Variants in RPL7 observed in about 807,000 individuals in gnomAD.
RPL7 encodes large ribosomal subunit protein uL30.
For synonymous variants in RPL7, 100 were observed against 102.2 expected, an observed-to-expected ratio of 0.98 and a Z score of 0.13; for missense variants, 205 against 301.9, an observed-to-expected ratio of 0.68 and a Z score of 2.38.
At chr8:73,293,671 C>A (rs16938607), upstream of RPL7, 4 of 1,604,234 alleles carry the variant, frequency 2.5e-6, no homozygotes, top group African/African-American at 4.0e-5. Flanking sequence ...AAAGACTTCG[C>A]GAGAGAAGCC....
At chr8:73,293,728 C>A, upstream of RPL7, 6 of 1,340,278 alleles carry the variant, frequency 4.5e-6, no homozygotes, top group Admixed American at 4.4e-5. Context: ...GAATCCAGAA[C>A]TAAAAAGCCG....
rs1814076644 is a variant in RPL7, at chr8:73,290,698, G to A, written c.*9C>T. The A allele has an allele frequency of 4.8e-6, 1 of 208,712 alleles. No homozygotes were observed. The highest frequency in any genetic ancestry group is 9.6e-6 in the Non-Finnish European group (1 of 103,940). 12.9% of individuals were successfully genotyped at this position (208,712 alleles called of 1,614,324 possible). A position where few individuals can be genotyped will look rare whatever the true frequency, so the allele number is the denominator to read the frequency against. ...CAACCAGCTTAGAAAAATAATCATG[G>A]TAGACACCTGAAAGGAAAAAAGAAA... is the stretch of plus-strand genomic sequence containing the variant. On this transcript the variant is annotated 3_prime_UTR_variant, in exon 7 of 7. Transcript: ENST00000352983.
In RPL7 at chr8:73,293,530, A is replaced by G. The variant is rs948824525; in HGVS notation, c.14+69T>C. ...GTGCAAGCTACGGCCAGAGAGAGAA[A>G]AAGTGACACAAAAAGTATCTGGCTC... On this transcript the variant is annotated intron_variant, in intron 1 of 6. Coordinates refer to ENST00000352983, the MANE Select transcript of RPL7 (RefSeq NM_000971.4). 12 of 1,594,116 alleles carry G rather than the reference A, an allele frequency of 7.5e-6. No individual in the cohort carries two copies. The African/African-American group carries it at 8.1e-5, about 11-fold the overall frequency.
Position 73,292,383 on chromosome 8 carries a change from A to G in RPL7, c.146T>C (p.Leu49Pro). ...QKMLRKARRK[L>P]IYEKAKHYHK... is the part of the protein sequence containing the mutation. ...ATAGTGCTTTGCTTTTTCATAGATAAGCTTCCTCCTTGCCTTTCGAAGCTG... is the reference window on the plus strand; with the variant it reads ...ATAGTGCTTTGCTTTTTCATAGATAGGCTTCCTCCTTGCCTTTCGAAGCTG... The change falls in exon 3 of 7, where the codon CTT becomes CCT. Residue 49 changes from leucine to proline, a missense_variant. By Grantham distance (98) the Leu-to-Pro change is moderately conservative (BLOSUM62 -3). Transcript: ENST00000352983. 1 of 1,597,346 alleles carries G rather than the reference A, an allele frequency of 6.3e-7. No individual in the cohort carries two copies. The highest frequency in any genetic ancestry group is 1.3e-5 in the African/African-American group (1 of 74,870).
Position 73,292,722 on chromosome 8 carries a change from G to T in RPL7, c.90C>A (p.Ile30=). 2 of 1,613,704 alleles carry T rather than the reference G, an allele frequency of 1.2e-6. No individual in the cohort carries two copies. Among genetic ancestry groups the T allele is most frequent in the Non-Finnish European group, 8.5e-7 (1 of 1,179,898 alleles). The part of the protein sequence containing the change: ...KKRRNFAELK[I]KRLRKKFAQK... The stretch of plus-strand genomic sequence containing the variant: ...GGGCAAACTTCTTTCTCAGGCGCTT[G>T]ATCTTCAGCTCTGCGAAATTCCTTC... The change falls in exon 2 of 7, where the codon ATC becomes ATA. Residue 30 remains isoleucine, a synonymous_variant. Transcript: ENST00000352983.
Position 73,291,179 on chromosome 8 carries a change from T to C in RPL7, c.612A>G (p.Ala204=). 1.9e-6 allele frequency: 3 copies of C among 1,608,684 alleles called. No individual in the cohort carries two copies. Among genetic ancestry groups the C allele is most frequent in the Non-Finnish European group, 2.6e-6 (3 of 1,175,234 alleles). ...ATTTGAAGGGCCACAGGAAGTTATT[T>C]GCCTCTTTGAAGCGTTTTCCAACAG... ...IYTVGKRFKE[A]NNFLWPFKLS... The change falls in exon 6 of 7, where the codon GCA becomes GCG. Residue 204 remains alanine (A), a synonymous_variant. Coordinates refer to ENST00000352983, the MANE Select transcript of RPL7 (RefSeq NM_000971.4).
upstream of RPL7, chr8:73,294,154 G>A (rs763455235): frequency 1.2e-5 from 2 of 161,458 alleles, no homozygotes; most frequent in Non-Finnish European, 2.7e-5. Flanking sequence ...GGTAGTCGCA[G>A]ACTACACCCC....
At chr8:73,293,224 A>G in intron 1 of RPL7, 2 of 237,472 alleles carry the variant, frequency 8.4e-6, no homozygotes, top group Non-Finnish European at 1.6e-5. Flanking sequence ...TGGTTCAATC[A>G]GGATCCACAT....
chr8:73,293,743 G>A, upstream of RPL7: 2 of 1,145,124 alleles, frequency 1.7e-6, no homozygotes, highest in Non-Finnish European at 2.5e-6. Context: ...AAGCCGCCTT[G>A]CAGACGCAAA....
upstream of RPL7, chr8:73,293,854 G>C (rs561758255): frequency 8.1e-6 from 4 of 493,042 alleles, no homozygotes; most frequent in East Asian, 1.1e-4. Flanking sequence ...CAAGAGCAAA[G>C]AGTGCTGACA....
upstream of RPL7, chr8:73,293,644 A>C (rs1277607157): frequency 1.9e-6 from 3 of 1,613,078 alleles, no homozygotes; most frequent in East Asian, 2.2e-5. Context: ...AAGTTGGCGC[A>C]TGCGTACTGT....
rs184010421 is a variant in RPL7 at position 73,290,917 on chromosome 8, C to T, written c.*1+126G>A. 144 of 715,966 alleles carry T rather than the reference C, an allele frequency of 2.0e-4. 1 individual carries two copies. The East Asian group carries it at 3.6e-3, about 18-fold the overall frequency. 44.4% of individuals were successfully genotyped at this position (715,966 alleles called of 1,614,324 possible). On this transcript the variant is annotated intron_variant, in intron 6 of 6. Coordinates refer to ENST00000352983, the MANE Select transcript of RPL7 (RefSeq NM_000971.4). ...CTGTAATCATTAAGATAGTTGACCC[C>T]CACTCCCCACAAAAGCACTGATTAA...
rs1454695805 is a variant in RPL7, at chr8:73,291,607, T to C, written c.483A>G (p.Lys161=). 1.9e-6 allele frequency: 3 copies of C among 1,600,668 alleles called. No homozygotes were observed. Among genetic ancestry groups the C allele is most frequent in the Non-Finnish European group, 2.6e-6 (3 of 1,169,196 alleles). The change falls in exon 5 of 7, where the codon AAA becomes AAG. Residue 161 remains lysine (K), a synonymous_variant. Coordinates refer to ENST00000352983, the MANE Select transcript of RPL7 (RefSeq NM_000971.4). ...TCAAAGCAATTCGCTTCTTATTGATTTTGCCATAACCACGCTTGTAGATTA... is the reference window on the plus strand; with the variant it reads ...TCAAAGCAATTCGCTTCTTATTGATCTTGCCATAACCACGCTTGTAGATTA... ...NELIYKRGYG[K]INKKRIALTD... is the part of the protein sequence containing the mutation.
upstream of RPL7, chr8:73,294,257 T>C (rs1460428233): frequency 6.5e-6 from 1 of 152,966 alleles, no homozygotes; most frequent in African/African-American, 2.4e-5. Context: ...TGGAGTGCTC[T>C]AGCTTACGAA....
At position 73,293,452 on chromosome 8, in the gene RPL7, G is replaced by A. The variant is rs1041425054; in HGVS notation, c.14+147C>T. ...CGCCCGCATCCCAACCCTAGCCTCA[G>A]GTCCCCACTGGTGTCACACAGCGTT... On this transcript the variant is annotated intron_variant, in intron 1 of 6. Coordinates refer to ENST00000352983, the MANE Select transcript of RPL7 (RefSeq NM_000971.4). The A allele has an allele frequency of 1.1e-4, 109 of 971,282 alleles. 1 individual carries two copies. In the Admixed American group the frequency reaches 1.2e-3, roughly 11 times the overall value. The allele number at this position is 971,282 out of a possible 1,614,324, so 60.2% of individuals were successfully genotyped here.
Position 73,293,579 on chromosome 8 carries a change from G to T in RPL7, c.14+20C>A. 1 of 1,613,742 alleles carries T rather than the reference G, an allele frequency of 6.2e-7. No homozygotes were observed. The highest frequency in any genetic ancestry group is 1.1e-5 in the South Asian group (1 of 91,026). On this transcript the variant is annotated intron_variant, in intron 1 of 6. Coordinates refer to ENST00000352983, the MANE Select transcript of RPL7 (RefSeq NM_000971.4). The stretch of plus-strand genomic sequence containing the variant: ...TCTGGAGATGGAGAAGGATTCTCAA[G>T]AGGACCAGAAGCAACTCACTCTACA...
chr8:73,291,335 T>C, intron 5 of RPL7, 83 bp from the exon 6 acceptor site: 2 of 1,160,672 alleles, frequency 1.7e-6, no homozygotes, highest in Non-Finnish European at 2.5e-6. Flanking sequence ...GAATAGGCTG[T>C]GAGATGAAAA....
intron 1 of RPL7, chr8:73,293,058 C>T (rs1475113053): frequency 2.7e-6 from 1 of 366,230 alleles, no homozygotes; most frequent in Non-Finnish European, 4.8e-6. Flanking sequence ...GAGGCCCGGC[C>T]TCCGACGACT....
intron 1 of RPL7, chr8:73,293,055 G>C: frequency 2.7e-6 from 1 of 367,756 alleles, no homozygotes; most frequent in Non-Finnish European, 4.8e-6. Flanking sequence ...CAAGAGGCCC[G>C]GCCTCCGACG....
Sources: gnomAD v4.1 joint callset for allele counts on GRCh38, gnomAD v4.1.1 for gene constraint, MANE v1.5 for transcripts, NCBI Gene and HGNC (gene_info 2026-07-23, HGNC 2026-07-21) for gene names.